Variants in BTBD1 observed in about 807,000 individuals in gnomAD.
BTBD1 encodes BTB domain containing 1.
Under a neutral mutation model 48.0 loss-of-function variants are expected in BTBD1, and 34 were observed. The observed-to-expected ratio is 0.71, with a 90% confidence interval of 0.54 to 0.94. The LOEUF is 0.94. Among genes scored for constraint, BTBD1 ranks in the 40% least tolerant of loss-of-function variants. The pLI, the probability that BTBD1 is intolerant of heterozygous loss-of-function variation, is 0.00. For synonymous variants in BTBD1, 261 were observed against 242.1 expected (o/e 1.08, Z -0.72); for missense variants, 543 against 625.6 (o/e 0.87, Z 1.41).
chr15:83,020,687 T>G lies in BTBD1; in HGVS notation c.1131A>C (p.Gln377His). ...YGSIHGPTDYQVNIQIIEYEK... is the reference protein window; with the variant it reads ...YGSIHGPTDYHVNIQIIEYEK... ...GAGGAAACTGTACCTGTATATTCAC[T>G]TGATAATCTGTAGGGCCATGAATAG... is the stretch of plus-strand genomic sequence containing the variant. The change falls in exon 6 of 8, where the codon CAA becomes CAC. Residue 377 changes from glutamine to histidine, a missense_variant. This residue lies in a region of BTBD1 where 300 missense variants were observed against 350.0 expected (regional missense o/e 0.86). Transcript: ENST00000261721. 6.3e-7 allele frequency: 1 copy of G among 1,591,576 alleles called. No homozygotes were observed. The highest frequency in any genetic ancestry group is 8.6e-7 in the Non-Finnish European group (1 of 1,160,524).
At chr15:83,062,000 G>A (rs1431035749) in intron 1 of BTBD1, among the ~76,000 whole-genome samples, 1 of 152,146 alleles carries the variant, frequency 6.6e-6, no homozygotes, top group Non-Finnish European at 1.5e-5. Flanking sequence ...AATTAAGTGT[G>A]GAGCCCTGGC....
At chr15:83,034,760 G>A (rs2032592472) in intron 4 of BTBD1, among the ~76,000 whole-genome samples, 1 of 151,760 alleles carries the variant, frequency 6.6e-6, no homozygotes, top group African/African-American at 2.4e-5. Context: ...GAAAACTGAT[G>A]GAACCAAAAG....
chr15:83,054,372 T>C (rs1374995888), intron 2 of BTBD1, among the ~76,000 whole-genome samples: 1 of 151,856 alleles, frequency 6.6e-6, no homozygotes, highest in African/African-American at 2.4e-5. Flanking sequence ...GGGACAATAA[T>C]ATTAAACTAC....
chr15:83,039,202 A>T (rs1364073286), intron 4 of BTBD1, among the ~76,000 whole-genome samples: 1 of 152,078 alleles, frequency 6.6e-6, no homozygotes, highest in African/African-American at 2.4e-5. Context: ...AAAAACTCAT[A>T]AAAAGTGGGC....
At chr15:83,060,475 A>C (rs2033158996) in intron 1 of BTBD1, among the ~76,000 whole-genome samples, 1 of 149,396 alleles carries the variant, frequency 6.7e-6, no homozygotes, top group Non-Finnish European at 1.5e-5. Context: ...AAAAAAAAAA[A>C]CAACTTAGGT....
chr15:83,026,515 TG>T (rs2032409606), intron 5 of BTBD1, among the ~76,000 whole-genome samples: 2 of 138,002 alleles, frequency 1.4e-5, no homozygotes, highest in African/African-American at 5.6e-5. Flanking sequence ...GATTTTTTAG[TG>T]CTTTTTTTTT....
chr15:83,025,301 T>C (rs1309881463), intron 5 of BTBD1, among the ~76,000 whole-genome samples: 2 of 132,866 alleles, frequency 1.5e-5, no homozygotes, highest in African/African-American at 5.9e-5. Context: ...GAGGTTGCAG[T>C]GAGCCCAGAT....
chr15:83,020,736 A>G lies in BTBD1; in HGVS notation c.1082T>C (p.Ile361Thr). The G allele has an allele frequency of 6.2e-7, 1 of 1,605,858 alleles. No individual in the cohort carries two copies. Among genetic ancestry groups the G allele is most frequent in the Non-Finnish European group, 8.5e-7 (1 of 1,173,070 alleles). ...IRFTVNRRIS[I>T]VGFGLYGSIH... is the part of the protein sequence containing the mutation. ...AGATCCATACAAGCCAAATCCAACT[A>G]TAGAGATCCTTCTATTAACTGTGAA... The change falls in exon 6 of 8, where the codon ATA (isoleucine) becomes ACA (threonine). Residue 361 changes from isoleucine to threonine, a missense_variant. By Grantham distance (89) the Ile-to-Thr change is moderately conservative. Around this residue, in one of 3 missense-constraint regions of BTBD1, gnomAD observed 300 missense variants for 350.0 expected, o/e 0.86. Transcript: ENST00000261721.
intron 3 of BTBD1, chr15:83,044,465 A>G (rs2032835409): frequency 6.3e-7 from 1 of 1,578,294 alleles, no homozygotes; most frequent in Non-Finnish European, 8.7e-7. Flanking sequence ...CTGCTTTGCG[A>G]AAAATGGACG....
At chr15:83,032,969 C>CAAAAAAAAAAAAAAAAAAAAAA (rs56152195) in intron 4 of BTBD1, among the ~76,000 whole-genome samples, 11 of 87,006 alleles carry the variant, frequency 1.3e-4, no homozygotes, top group African/African-American at 5.0e-4. Flanking sequence ...TACTCTGTCT[C>CAAAAAAAAAAAAAAAAAAAAAA]AAAAAAAAAA....
Position 83,066,843 on chromosome 15 carries a change from G to A in BTBD1, c.309C>T (p.Val103=). 1 of 1,448,422 alleles carries A rather than the reference G, an allele frequency of 6.9e-7. No homozygotes were observed. The highest frequency in any genetic ancestry group is 9.1e-7 in the Non-Finnish European group (1 of 1,104,476). 89.7% of individuals were successfully genotyped at this position (1,448,422 alleles called of 1,614,324 possible). A position where few individuals can be genotyped will look rare whatever the true frequency, so the allele number is the denominator to read the frequency against. ...TGCCGCCGTTGAACATGGCGTCAAA[G>A]ACGGCGCTGCCGGCCGCCAGCACGA... is the stretch of plus-strand genomic sequence containing the variant. The part of the protein sequence containing the change: ...HRFVLAAGSA[V]FDAMFNGGMA... Residue 103 remains valine, a synonymous_variant, in exon 1 of 8, where the codon GTC becomes GTT. Transcript: ENST00000261721.
At chr15:83,027,497 C>T (rs1486813487) in intron 5 of BTBD1, among the ~76,000 whole-genome samples, 1 of 152,208 alleles carries the variant, frequency 6.6e-6, no homozygotes, top group Non-Finnish European at 1.5e-5. Flanking sequence ...CCCCATTCAA[C>T]CTGCCCAAGA....
rs773324977 is a variant in BTBD1, at chr15:83,050,092, C to T, written c.645G>A (p.Gly215=). ...ACTTACCTATATCAATATCAGTAAA[C>T]CCTTCTGCACTTATTGCATCCATTG... The part of the protein sequence containing the change: ...KSTMDAISAE[G]FTDIDIDTLC... Residue 215 remains glycine (G), a synonymous_variant, in exon 3 of 8, where the codon GGG becomes GGA. Transcript: ENST00000261721. The T allele has an allele frequency of 5.6e-6, 9 of 1,610,318 alleles. No homozygotes were observed. The highest frequency in any genetic ancestry group is 7.6e-6 in the Non-Finnish European group (9 of 1,177,442).
chr15:83,030,409 A>T lies in BTBD1; in HGVS notation c.863-81T>A, dbSNP rs1183406725. On this transcript the variant is annotated intron_variant, in intron 4 of 7. Coordinates refer to ENST00000261721, the MANE Select transcript of BTBD1 (RefSeq NM_025238.4). ...TTGGAATTCACTTAACGTAAATTCA[A>T]ATCTAGAGGACGTAACATAAAAATA... The T allele has an allele frequency of 3.4e-6, 4 of 1,177,750 alleles. No homozygotes were observed. The African/African-American group carries it at 6.2e-5, about 18-fold the overall frequency. 73.0% of individuals were successfully genotyped at this position (1,177,750 alleles called of 1,614,324 possible).
At chr15:83,039,315 A>C (rs1394103071) in intron 4 of BTBD1, among the ~76,000 whole-genome samples, 19 of 152,196 alleles carry the variant, frequency 1.2e-4, no homozygotes, top group Non-Finnish European at 2.8e-4. Context: ...TGCAAATCCA[A>C]ACTACAATGA....
At chr15:83,059,643 C>T (rs911608867) in intron 1 of BTBD1, among the ~76,000 whole-genome samples, 16 of 152,200 alleles carry the variant, frequency 1.1e-4, no homozygotes, top group Non-Finnish European at 2.1e-4. Context: ...AGAGTGGTGG[C>T]ACGATCATAG....
chr15:83,048,810 T>C (rs1389507000), intron 3 of BTBD1, among the ~76,000 whole-genome samples: 1 of 152,086 alleles, frequency 6.6e-6, no homozygotes, highest in African/African-American at 2.4e-5. Context: ...AATTGAACAG[T>C]GAAATAAATG....
At chr15:83,027,417 C>T (rs1467312846) in intron 5 of BTBD1, among the ~76,000 whole-genome samples, 1 of 152,146 alleles carries the variant, frequency 6.6e-6, no homozygotes, top group Admixed American at 6.5e-5. Flanking sequence ...AAAGAGAAAA[C>T]AGAGTTTGGA....
At position 83,041,931 on chromosome 15, in the gene BTBD1, G is replaced by C. The variant is rs1567108125; in HGVS notation, c.665-6C>G. Reference sequence around the variant, plus strand: ...TAAAACTGCACAGAGTGTATCTATAGGCAAAATACAAAATAAACCCAATTA... The same window carrying C: ...TAAAACTGCACAGAGTGTATCTATACGCAAAATACAAAATAAACCCAATTA... On this transcript the variant is annotated splice_region_variant and splice_polypyrimidine_tract_variant and intron_variant, in intron 3 of 7. Coordinates refer to ENST00000261721, the MANE Select transcript of BTBD1 (RefSeq NM_025238.4). The C allele has an allele frequency of 3.1e-6, 5 of 1,612,782 alleles. No individual in the cohort carries two copies. The highest frequency in any genetic ancestry group is 4.2e-6 in the Non-Finnish European group (5 of 1,179,060).
Sources: allele counts gnomAD v4.1 joint callset (sites outside exome capture counted in the v4.1 genomes callset), GRCh38; gene constraint gnomAD v4.1.1; regional missense constraint gnomAD v4.1.1; transcripts MANE v1.5; gene names NCBI Gene and HGNC (gene_info 2026-07-23, HGNC 2026-07-21).